DCLRE1C: variants seen among roughly 807,000 people sequenced by gnomAD.
DCLRE1C encodes the protein protein artemis.
A neutral mutation model predicts 61.4 loss-of-function variants in DCLRE1C; 47 were observed. The observed-to-expected ratio is 0.77, with a 90% CI of 0.61 to 0.98. DCLRE1C has a LOEUF of 0.98. Ranked by LOEUF, DCLRE1C falls within the 50% of genes least tolerant of loss-of-function variation. DCLRE1C has a pLI of 0.00. For synonymous variants in DCLRE1C, 337 were observed against 287.6 expected (o/e 1.17, Z -1.74); for missense variants, 858 against 816.0 (o/e 1.05, Z -0.63).
chr10:14,945,128 A>G lies in DCLRE1C; in HGVS notation c.223T>C (p.Tyr75His). The G allele has an allele frequency of 6.2e-7, 1 of 1,612,860 alleles. No homozygotes were observed. The highest frequency in any genetic ancestry group is 8.5e-7 in the Non-Finnish European group (1 of 1,179,464). The change falls in exon 3 of 14, where the codon TAC becomes CAC. Residue 75 changes from tyrosine to histidine, a missense_variant. By Grantham distance (83) the Tyr-to-His change is moderately conservative. Coordinates refer to ENST00000378278, the MANE Select transcript of DCLRE1C (RefSeq NM_001033855.3). ...TKELLLTSPK[Y>H]RFWKKRIISI... The stretch of plus-strand genomic sequence containing the variant: ...ACAATTCGTTTCTTCCAAAATCTGT[A>G]TTTCGGGCTCGTTAACAACAACTCC...
chr10:14,919,516 C>A (rs1437267722), intron 13 of DCLRE1C, among the ~76,000 whole-genome samples: 1 of 152,198 alleles, frequency 6.6e-6, no homozygotes, highest in Non-Finnish European at 1.5e-5. Flanking sequence ...CACGATGGCA[C>A]CGTTTTCACC....
chr10:14,908,568 C>T lies in DCLRE1C; in HGVS notation c.1919G>A (p.Ser640Asn), dbSNP rs1403158389. The T allele has an allele frequency of 1.2e-6, 2 of 1,614,134 alleles. No individual in the cohort carries two copies. The highest frequency in any genetic ancestry group is 1.7e-5 in the Admixed American group (1 of 60,012). Residue 640 changes from serine (S) to asparagine (N), a missense_variant, in exon 14 of 14, where the codon AGC (serine) becomes AAC (asparagine). Ser to Asn is a conservative substitution (Grantham distance 46). This residue lies in a region of DCLRE1C where 843 missense variants were observed against 783.5 expected (regional missense o/e 1.08). Transcript: ENST00000378278. Reference sequence around the variant, plus strand: ...AGAGCTCTGGGAATCTGCATTTGTGCTAAGATTTAGCAAACTTTTTTCCTC... The same window carrying T: ...AGAGCTCTGGGAATCTGCATTTGTGTTAAGATTTAGCAAACTTTTTTCCTC... ...IPEEKSLLNL[S>N]TNADSQSSSD...
chr10:14,952,229 G>A (rs1202201111), intron 1 of DCLRE1C, among the ~76,000 whole-genome samples: 9 of 151,840 alleles, frequency 5.9e-5, no homozygotes, highest in African/African-American at 2.4e-5. Context: ...ACTCCAGTGC[G>A]GCTCTACACA....
intron 11 of DCLRE1C, chr10:14,923,287 C>T (rs1370396762): frequency 9.5e-6 from 5 of 528,304 alleles, no homozygotes; most frequent in Non-Finnish European, 1.4e-5. Flanking sequence ...TACTAGTGGG[C>T]CTAGAAATCA....
At position 14,908,186 on chromosome 10, in the gene DCLRE1C, TTGTA is replaced by T; in HGVS notation, c.*218_*221del. 2 of 261,116 alleles carry T rather than the reference TTGTA, an allele frequency of 7.7e-6. No homozygotes were observed. The highest frequency in any genetic ancestry group is 7.0e-6 in the Non-Finnish European group (1 of 142,992). 16.2% of individuals were successfully genotyped at this position (261,116 alleles called of 1,614,324 possible). A position where few individuals can be genotyped will look rare whatever the true frequency, so the allele number is the denominator to read the frequency against. On this transcript the variant is annotated 3_prime_UTR_variant, in exon 14 of 14. Coordinates refer to ENST00000378278, the MANE Select transcript of DCLRE1C (RefSeq NM_001033855.3). ...CTGGCTTTTTTTTTTTTTTTTTTTT[TTGTA>T]AGTAGAGACACATTTCACTGTGTTG...
downstream of DCLRE1C, chr10:14,901,100 T>C: frequency 6.2e-7 from 1 of 1,610,946 alleles, no homozygotes; most frequent in Non-Finnish European, 8.5e-7. Flanking sequence ...TTACACCGTT[T>C]GTACTTAAAT....
intron 12 of DCLRE1C, among the ~76,000 whole-genome samples, chr10:14,921,303 G>C (rs944763733): frequency 6.6e-6 from 1 of 151,910 alleles, no homozygotes; most frequent in Non-Finnish European, 1.5e-5. Flanking sequence ...CTGGGTGACA[G>C]AGCGAGACTC....
chr10:14,954,403 A>C (rs185620639), upstream of DCLRE1C: 20 of 335,458 alleles, frequency 6.0e-5, no homozygotes, highest in Admixed American at 5.5e-4. Flanking sequence ...TGGGCTGCGG[A>C]ACTGCGCTTA....
At chr10:14,948,754 A>C (rs1393870661) in intron 2 of DCLRE1C, among the ~76,000 whole-genome samples, 1 of 149,828 alleles carries the variant, frequency 6.7e-6, no homozygotes, top group Non-Finnish European at 1.5e-5. Context: ...GTTTTTAGAG[A>C]GTGTATTTGG....
rs982200251 is a variant in DCLRE1C, at chr10:14,931,738, A to G, written c.780+1116T>C. On this transcript the variant is annotated intron_variant, in intron 9 of 13. Coordinates refer to ENST00000378278, the MANE Select transcript of DCLRE1C (RefSeq NM_001033855.3). ...AAAAGTTTATAAACACGCTCATGTCATGAGTCTCAAAAAGCACAGGATGGG... is the reference window on the plus strand; with the variant it reads ...AAAAGTTTATAAACACGCTCATGTCGTGAGTCTCAAAAAGCACAGGATGGG... 2.6e-5 allele frequency among the ~76,000 whole-genome samples: 4 copies of G among 152,210 alleles called. 1 individual carries two copies. The highest frequency in any genetic ancestry group is 6.8e-3 in the Middle Eastern group (2 of 294).
At chr10:14,938,313 GA>G (rs1169715129) in intron 4 of DCLRE1C, among the ~76,000 whole-genome samples, 1 of 152,026 alleles carries the variant, frequency 6.6e-6, no homozygotes, top group African/African-American at 2.4e-5. Context: ...GCAGTTGGCA[GA>G]GTCCAGGATG....
rs1834427146 is a variant in DCLRE1C at position 14,906,751 on chromosome 10, A to G, written c.*1657T>C. On this transcript the variant is annotated 3_prime_UTR_variant, in exon 14 of 14. Transcript: ENST00000378278. ...CTTCCATAATCTATGAAATGTCACA[A>G]TAACTAAGTGTTCCTGAATATCTGT... Among the ~76,000 whole-genome samples, 1 of 152,240 alleles carries G rather than the reference A, an allele frequency of 6.6e-6. No individual in the cohort carries two copies. Among genetic ancestry groups the G allele is most frequent in the East Asian group, 1.9e-4 (1 of 5,202 alleles).
chr10:14,918,637 A>AAAAAAAAG (rs1554779697), intron 13 of DCLRE1C, among the ~76,000 whole-genome samples: 3 of 151,984 alleles, frequency 2.0e-5, no homozygotes, highest in African/African-American at 7.2e-5. Flanking sequence ...TTTAAAAAAA[A>AAAAAAAAG]AAAAAAAGAA....
intron 2 of DCLRE1C, among the ~76,000 whole-genome samples, chr10:14,948,225 T>C (rs1429414942): frequency 2.0e-5 from 3 of 150,386 alleles, no homozygotes; most frequent in Non-Finnish European, 4.4e-5. Flanking sequence ...AAAAAAAAAA[T>C]TGTTGAACAA....
intron 12 of DCLRE1C, among the ~76,000 whole-genome samples, chr10:14,920,870 T>C (rs1455119203): frequency 6.6e-6 from 1 of 151,626 alleles, no homozygotes; most frequent in Non-Finnish European, 1.5e-5. Flanking sequence ...GAATCACAAC[T>C]ACTCACAAGG....
intron 13 of DCLRE1C, among the ~76,000 whole-genome samples, chr10:14,916,012 C>G (rs981577797): frequency 2.0e-5 from 3 of 152,164 alleles, no homozygotes; most frequent in Non-Finnish European, 4.4e-5. Context: ...ATGATCATCT[C>G]AACAAATACA....
At chr10:14,929,964 G>T (rs1838693452) in intron 9 of DCLRE1C, among the ~76,000 whole-genome samples, 1 of 152,194 alleles carries the variant, frequency 6.6e-6, no homozygotes, top group Non-Finnish European at 1.5e-5. Flanking sequence ...CTCAAGGAAA[G>T]TAGCCCTGAC....
chr10:14,923,990 T>C lies in DCLRE1C; in HGVS notation c.973-921A>G, dbSNP rs41299648. Among the ~76,000 whole-genome samples, 1,248 of 152,284 alleles carry C rather than the reference T, an allele frequency of 8.2e-3. 20 individuals carry two copies. Among genetic ancestry groups the C allele is most frequent in the African/African-American group, 0.028 (1,168 of 41,550 alleles). On this transcript the variant is annotated intron_variant, in intron 11 of 13. Coordinates refer to ENST00000378278, the MANE Select transcript of DCLRE1C (RefSeq NM_001033855.3). ...GGCAACCTGCCTACATGCAACCCTC[T>C]CCTGCCACACAGGAAGGAACCCCCA... is the stretch of plus-strand genomic sequence containing the variant.
chr10:14,928,834 G>T (rs1240527238), intron 9 of DCLRE1C, among the ~76,000 whole-genome samples: 1 of 150,870 alleles, frequency 6.6e-6, no homozygotes, highest in African/African-American at 2.4e-5. Context: ...TCAGGCTGGA[G>T]TGTGGTGGTA....
Sources: gnomAD v4.1 joint callset for allele counts (sites outside exome capture counted in the v4.1 genomes callset) on GRCh38, gnomAD v4.1.1 for gene constraint, gnomAD v4.1.1 regional missense constraint, MANE v1.5 for transcripts, NCBI Gene and HGNC (gene_info 2026-07-23, HGNC 2026-07-21) for gene names.